Variants in NRXN2 observed in about 807,000 individuals in gnomAD.
NRXN2 encodes neurexin-2-beta.
A neutral mutation model predicts 128.8 loss-of-function variants in NRXN2; 29 were observed. The ratio of observed to expected loss-of-function variants is 0.23; its 90% confidence interval spans 0.17 to 0.31. NRXN2 has a LOEUF of 0.31. Ranked by LOEUF, NRXN2 falls within the 10% of genes least tolerant of loss-of-function variation. NRXN2 has a pLI of 1.00. For synonymous variants in NRXN2, 1,098 were observed against 1,075.2 expected, an observed-to-expected ratio of 1.02 and a Z score of -0.41; for missense variants, 1,881 against 2,452.6, an observed-to-expected ratio of 0.77 and a Z score of 4.92.
chr11:64,713,813 G>T lies in NRXN2; in HGVS notation c.-114C>A. 2 of 564,206 alleles carry T rather than the reference G, an allele frequency of 3.5e-6. No homozygotes were observed. The highest frequency in any genetic ancestry group is 4.5e-6 in the Non-Finnish European group (2 of 441,396). The allele number at this position is 564,206 out of a possible 1,614,324, so 34.9% of individuals were successfully genotyped here. A position where few individuals can be genotyped will look rare whatever the true frequency, so the allele number is the denominator to read the frequency against. On this transcript the variant is annotated 5_prime_UTR_variant, in exon 2 of 23. Coordinates refer to ENST00000265459, the MANE Select transcript of NRXN2 (RefSeq NM_015080.4). ...TCCCCGCGCTGAGCGGGGCTCCCTT[G>T]CAGGCTCACAGTGCCATGGGCCCGG...
rs2044601047 is a variant in NRXN2 at position 64,635,682 on chromosome 11, T to A, written c.3404-230A>T. 1.3e-5 allele frequency among the ~76,000 whole-genome samples: 2 copies of A among 152,116 alleles called. No individual in the cohort carries two copies. The highest frequency in any genetic ancestry group is 2.4e-5 in the African/African-American group (1 of 41,404). ...ACAGATGTAGCTGCCTCATCAAGAA[T>A]GCTAGCTTTAATTACAGCAAAATAG... On this transcript the variant is annotated intron_variant, in intron 17 of 22. Transcript: ENST00000265459. This position sits in a 1 kb window ranked among gnomAD's most constrained non-coding sequence, Gnocchi z 4.8.
At chr11:64,712,760 C>T (rs1483874651) in intron 2 of NRXN2, 1 of 680,170 alleles carries the variant, frequency 1.5e-6, no homozygotes, top group Non-Finnish European at 2.8e-6. Context: ...ACGCCCAAGC[C>T]GGCCCCGCCC....
chr11:64,610,284 G>A (rs1216938141), intron 22 of NRXN2, among the ~76,000 whole-genome samples: 1 of 152,156 alleles, frequency 6.6e-6, no homozygotes, highest in East Asian at 1.9e-4. Context: ...TTTGAGCTAC[G>A]AGCAAAGTAG....
chr11:64,661,794 C>T (rs2049067397), intron 9 of NRXN2, among the ~76,000 whole-genome samples: 1 of 152,118 alleles, frequency 6.6e-6, no homozygotes, highest in Admixed American at 6.5e-5. Flanking sequence ...AGTATGGTCC[C>T]AGCAGCAAGA....
chr11:64,702,102 G>T (rs531286979), intron 2 of NRXN2, among the ~76,000 whole-genome samples: 3 of 147,398 alleles, frequency 2.0e-5, no homozygotes, highest in Admixed American at 2.0e-4. Flanking sequence ...CCCTCTGCCC[G>T]GCCAGCCGCC....
rs1028149761 is a variant in NRXN2 at position 64,685,580 on chromosome 11, C to T, written c.1152+66G>A. Reference sequence around the variant, plus strand: ...CCTCCACCACAAGCTCCCGGCAGCCCCCTCTCCCAACCCCCATTCTACCCC... The same window carrying T: ...CCTCCACCACAAGCTCCCGGCAGCCTCCTCTCCCAACCCCCATTCTACCCC... On this transcript the variant is annotated intron_variant, in intron 6 of 22. Coordinates refer to ENST00000265459, the MANE Select transcript of NRXN2 (RefSeq NM_015080.4). The T allele has an allele frequency of 2.5e-6, 4 of 1,604,114 alleles. No homozygotes were observed. In the African/African-American group the frequency reaches 4.0e-5, roughly 16 times the overall value.
In NRXN2 at chr11:64,632,572, T is replaced by C. The variant is rs1434885047; in HGVS notation, c.3586-1999A>G. On this transcript the variant is annotated intron_variant, in intron 18 of 22. Transcript: ENST00000265459. This position sits in a 1 kb window ranked among gnomAD's most constrained non-coding sequence, Gnocchi z 4.2. ...CTCCCCACAGGCTCAGCCCAGGCAGTGATGGTGGTCAAGGAGCACATGCAG... is the reference window on the plus strand; with the variant it reads ...CTCCCCACAGGCTCAGCCCAGGCAGCGATGGTGGTCAAGGAGCACATGCAG... 6.6e-6 allele frequency among the ~76,000 whole-genome samples: 1 copy of C among 152,100 alleles called. No individual in the cohort carries two copies. The highest frequency in any genetic ancestry group is 1.5e-5 in the Non-Finnish European group (1 of 68,010).
Position 64,661,144 on chromosome 11 carries a change from G to C in NRXN2, c.1799-5C>G. On this transcript the variant is annotated splice_region_variant and splice_polypyrimidine_tract_variant and intron_variant, in intron 9 of 22. Transcript: ENST00000265459. Reference sequence around the variant, plus strand: ...GACTATTCACTGAGATGGAGCCTGGGAATCAAGGGAAGGCAGGATGGAGAA... The same window carrying C: ...GACTATTCACTGAGATGGAGCCTGGCAATCAAGGGAAGGCAGGATGGAGAA... 1 of 1,613,434 alleles carries C rather than the reference G, an allele frequency of 6.2e-7. No individual in the cohort carries two copies. The highest frequency in any genetic ancestry group is 8.5e-7 in the Non-Finnish European group (1 of 1,180,026).
At position 64,648,389 on chromosome 11, in the gene NRXN2, T is replaced by A. The variant is rs767544501; in HGVS notation, c.3284-51A>T. On this transcript the variant is annotated intron_variant, in intron 16 of 22. Coordinates refer to ENST00000265459, the MANE Select transcript of NRXN2 (RefSeq NM_015080.4). The surrounding 1 kb of genome is among the most constrained non-coding windows in gnomAD (Gnocchi z 4.1). The stretch of plus-strand genomic sequence containing the variant: ...CCCCTGGCTCAGCCAAGCCCCCTCT[T>A]TCCCCAGGAGGTGTGGAAGCTTCAG... The A allele has an allele frequency of 3.2e-5, 51 of 1,613,322 alleles. No homozygotes were observed. The highest frequency in any genetic ancestry group is 4.2e-5 in the Non-Finnish European group (50 of 1,179,784).
At chr11:64,699,987 G>A (rs2055107185) in intron 2 of NRXN2, among the ~76,000 whole-genome samples, 1 of 152,210 alleles carries the variant, frequency 6.6e-6, no homozygotes, top group South Asian at 2.1e-4. Flanking sequence ...TCAGGAAGGT[G>A]AAACAACCAG....
intron 18 of NRXN2, among the ~76,000 whole-genome samples, chr11:64,633,005 C>A (rs2044149127): frequency 6.6e-6 from 1 of 152,154 alleles, no homozygotes; most frequent in South Asian, 2.1e-4. Flanking sequence ...CCCAGGGGGC[C>A]TCAGCCCATC....
chr11:64,614,606 T>TG (rs1394551260), intron 22 of NRXN2, among the ~76,000 whole-genome samples: 12 of 152,150 alleles, frequency 7.9e-5, no homozygotes, highest in African/African-American at 2.9e-4. Context: ...TGAAGAAATT[T>TG]CCCCCACTGC....
At chr11:64,613,329 T>G (rs950206309) in intron 22 of NRXN2, among the ~76,000 whole-genome samples, 1 of 152,250 alleles carries the variant, frequency 6.6e-6, no homozygotes. Context: ...CATGTCCATA[T>G]GTGAACATGC....
chr11:64,699,160 C>T (rs945815690), intron 2 of NRXN2, among the ~76,000 whole-genome samples: 1 of 152,194 alleles, frequency 6.6e-6, no homozygotes, highest in Non-Finnish European at 1.5e-5. Context: ...CCATAATCCA[C>T]GCACATACAC....
chr11:64,688,118 C>CAA (rs3031434), intron 5 of NRXN2, among the ~76,000 whole-genome samples: 49,872 of 152,006 alleles, frequency 0.33, 10,525 homozygotes, highest in African/African-American at 0.59. Context: ...TGGGACAGAA[C>CAA]AAGAGGCCAG....
intron 19 of NRXN2, 138 bp from the exon 20 acceptor site, chr11:64,626,690 G>A (rs1312348058): frequency 2.8e-5 from 21 of 753,670 alleles, no homozygotes; most frequent in Non-Finnish European, 4.5e-5. Flanking sequence ...GAAAAGAAAC[G>A]CTGGGCCCCT....
At chr11:64,645,735 GA>G (rs2046554482) in intron 17 of NRXN2, among the ~76,000 whole-genome samples, 1 of 152,094 alleles carries the variant, frequency 6.6e-6, no homozygotes, top group Non-Finnish European at 1.5e-5. Flanking sequence ...GGTAAGTGGG[GA>G]AAAGTTGTTC....
At chr11:64,712,415 C>T (rs566104033) in intron 2 of NRXN2, among the ~76,000 whole-genome samples, 1 of 152,120 alleles carries the variant, frequency 6.6e-6, no homozygotes, top group East Asian at 1.9e-4. Flanking sequence ...CACTCACAGC[C>T]CCTCACGGCC....
intron 15 of NRXN2, 124 bp from the exon 16 acceptor site, chr11:64,649,031 C>T (rs1348288409): frequency 2.0e-6 from 2 of 992,534 alleles, no homozygotes; most frequent in Non-Finnish European, 3.1e-6. Flanking sequence ...GATTCCAGGT[C>T]CCTAACAGAG....
Sources: gnomAD v4.1 joint callset for allele counts (sites outside exome capture counted in the v4.1 genomes callset) on GRCh38, gnomAD v4.1.1 for gene constraint, Gnocchi (gnomAD v3.1) non-coding constraint, MANE v1.5 for transcripts, NCBI Gene and HGNC (gene_info 2026-07-23, HGNC 2026-07-21) for gene names.